Variants in NAV2 observed in about 807,000 individuals in gnomAD.
NAV2 encodes the protein helicase, APC down-regulated 1.
Under a neutral mutation model 223.2 loss-of-function variants are expected in NAV2, and 54 were observed. That is an observed-to-expected ratio of 0.24 (90% CI 0.19 to 0.30). NAV2 has a LOEUF of 0.30. Among genes scored for constraint, NAV2 ranks in the 10% least tolerant of loss-of-function variants. The probability of loss-of-function intolerance (pLI) is 1.00; values close to 1 mark genes in which losing one functional copy is unlikely to be tolerated. For synonymous variants in NAV2, 1,279 were observed against 1,239.3 expected (o/e 1.03, Z -0.67); for missense variants, 2,806 against 3,147.5 (o/e 0.89, Z 2.60).
chr11:19,565,087 A>C (rs777523806), intron 1 of NAV2, among the ~76,000 whole-genome samples: 4 of 151,784 alleles, frequency 2.6e-5, no homozygotes, highest in Non-Finnish European at 5.9e-5. Context: ...GTGAGCCGAG[A>C]TCACACCACT....
chr11:19,496,122 G>T (rs2042786628), intron 1 of NAV2, among the ~76,000 whole-genome samples: 1 of 152,154 alleles, frequency 6.6e-6, no homozygotes, highest in Non-Finnish European at 1.5e-5. Flanking sequence ...CTCTAGCATT[G>T]GGTGAGATTC....
chr11:19,363,837 C>T (rs796843497), intron 1 of NAV2, among the ~76,000 whole-genome samples: 2 of 152,126 alleles, frequency 1.3e-5, no homozygotes, highest in South Asian at 2.1e-4. Context: ...TGCTTATTAC[C>T]GGTTTATACA....
chr11:20,091,245 T>C (rs893263052), intron 27 of NAV2, among the ~76,000 whole-genome samples: 1 of 152,202 alleles, frequency 6.6e-6, no homozygotes, highest in Non-Finnish European at 1.5e-5. Flanking sequence ...GTGACTCCCC[T>C]GGTGCCTGTG....
At chr11:19,738,364 C>T (rs1364796) in intron 1 of NAV2, among the ~76,000 whole-genome samples, 140,907 of 152,332 alleles carry the variant, frequency 0.92, 66,075 homozygotes, top group East Asian at 1. Flanking sequence ...TTGCCCAGGC[C>T]GGATTTCCAG....
chr11:19,413,844 G>T (rs1850249090), intron 1 of NAV2, among the ~76,000 whole-genome samples: 3 of 152,132 alleles, frequency 2.0e-5, no homozygotes, highest in Non-Finnish European at 4.4e-5. Flanking sequence ...AAGCGAAGGA[G>T]AAATAAAATC....
intron 1 of NAV2, among the ~76,000 whole-genome samples, chr11:19,702,255 G>A (rs1002629297): frequency 6.6e-6 from 1 of 152,204 alleles, no homozygotes; most frequent in Non-Finnish European, 1.5e-5. Context: ...ATGGTTTTTA[G>A]TTGTGTCAGA....
intron 11 of NAV2, among the ~76,000 whole-genome samples, chr11:20,003,905 C>T (rs985970834): frequency 4.6e-5 from 7 of 152,206 alleles, no homozygotes; most frequent in Non-Finnish European, 8.8e-5. Flanking sequence ...GATGTTCTAG[C>T]TTCTGGTTTT....
rs561480021 is a variant in NAV2 at position 19,650,444 on chromosome 11, T to C, written c.76-182040T>C. On this transcript the variant is annotated intron_variant, in intron 1 of 37. Coordinates refer to the NAV2 transcript ENST00000360655. ...TGCTAACACCTTGATTTTGGACTTA[T>C]AGCCCCTAGAACTGTAAGACAATAA... Among the ~76,000 whole-genome samples, 6 of 152,326 alleles carry C rather than the reference T, an allele frequency of 3.9e-5. No individual in the cohort carries two copies. The South Asian group carries it at 8.3e-4, about 21-fold the overall frequency.
At chr11:20,086,369 C>G (rs913749523) in intron 26 of NAV2, among the ~76,000 whole-genome samples, 1 of 152,160 alleles carries the variant, frequency 6.6e-6, no homozygotes, top group Non-Finnish European at 1.5e-5. Context: ...GCCTGGTGTG[C>G]TCTTCCCTCA....
At chr11:19,443,048 C>T (rs988578348) in intron 1 of NAV2, among the ~76,000 whole-genome samples, 19 of 152,142 alleles carry the variant, frequency 1.2e-4, no homozygotes, top group African/African-American at 4.1e-4. Flanking sequence ...GGCCAGGTAA[C>T]GTAGTAAAAA....
chr11:20,116,965 G>C (rs940147168), intron 37 of NAV2, among the ~76,000 whole-genome samples: 1 of 152,148 alleles, frequency 6.6e-6, no homozygotes, highest in African/African-American at 2.4e-5. Flanking sequence ...AGTTGCCAAG[G>C]ATTGTCCATT....
intron 10 of NAV2, among the ~76,000 whole-genome samples, chr11:19,964,703 G>C (rs566940510): frequency 1.2e-4 from 18 of 150,172 alleles, no homozygotes; most frequent in African/African-American, 4.4e-4. Context: ...GTCTTGCTAT[G>C]TTGTCCAGGC....
chr11:19,634,346 G>C (rs951556157), intron 1 of NAV2, among the ~76,000 whole-genome samples: 2 of 152,212 alleles, frequency 1.3e-5, no homozygotes, highest in African/African-American at 4.8e-5. Flanking sequence ...TGAAGGTGGA[G>C]GGTGGGAGGA....
intron 27 of NAV2, 53 bp from the exon 28 acceptor site, chr11:20,092,153 C>G: frequency 6.4e-7 from 1 of 1,566,508 alleles, no homozygotes; most frequent in Non-Finnish European, 8.7e-7. Context: ...TCAGAAAAAT[C>G]TTGTTCACAT....
intron 1 of NAV2, among the ~76,000 whole-genome samples, chr11:19,616,837 G>A (rs950492868): frequency 3.3e-5 from 5 of 152,032 alleles, no homozygotes; most frequent in Non-Finnish European, 5.9e-5. Flanking sequence ...TTGAGGCTGA[G>A]GGGTTAGCAT....
intron 1 of NAV2, among the ~76,000 whole-genome samples, chr11:19,721,351 G>T (rs887694380): frequency 1.3e-5 from 2 of 152,080 alleles, no homozygotes; most frequent in Non-Finnish European, 2.9e-5. Flanking sequence ...AACCCTTTTG[G>T]GATGTTTAAA....
chr11:19,492,758 C>G (rs758060825), intron 1 of NAV2, among the ~76,000 whole-genome samples: 12 of 152,098 alleles, frequency 7.9e-5, no homozygotes, highest in African/African-American at 1.2e-4. Flanking sequence ...AGGATTTTAT[C>G]CAAAGGCTAT....
intron 1 of NAV2, among the ~76,000 whole-genome samples, chr11:19,524,384 G>C (rs1278625299): frequency 1.3e-5 from 2 of 152,246 alleles, no homozygotes; most frequent in Non-Finnish European, 2.9e-5. Context: ...GTACTACAGA[G>C]CTGTGTGTAA....
At chr11:19,350,353 G>A (rs897635799), upstream of NAV2, among the ~76,000 whole-genome samples, 1 of 152,160 alleles carries the variant, frequency 6.6e-6, no homozygotes, top group African/African-American at 2.4e-5. Flanking sequence ...AAATCTGACT[G>A]TTGAACGTTT....
Sources: allele counts gnomAD v4.1 joint callset (sites outside exome capture counted in the v4.1 genomes callset), GRCh38; gene constraint gnomAD v4.1.1; transcripts MANE v1.5; gene names NCBI Gene and HGNC (gene_info 2026-07-23, HGNC 2026-07-21).